Variants in TBC1D19 observed in about 807,000 individuals in gnomAD.
The protein encoded by TBC1D19 is TBC1 domain family, member 19.
A neutral mutation model predicts 89.0 loss-of-function variants in TBC1D19; 60 were observed. That is an observed-to-expected ratio of 0.67 (90% confidence interval 0.55 to 0.84). The LOEUF is 0.84. TBC1D19 is among the 40% of genes least tolerant of loss of function. The pLI is 0.00. For missense variants in TBC1D19, 500 were observed against 610.8 expected, an observed-to-expected ratio of 0.82 and a Z score of 1.91; for synonymous variants, 189 against 199.7, an observed-to-expected ratio of 0.95 and a Z score of 0.45.
intron 9 of TBC1D19, among the ~76,000 whole-genome samples, chr4:26,666,760 G>A (rs1711849388): frequency 6.6e-6 from 1 of 151,926 alleles, no homozygotes; most frequent in Non-Finnish European, 1.5e-5. Context: ...TCTACCTTGA[G>A]TCAACTTAGG....
intron 18 of TBC1D19, among the ~76,000 whole-genome samples, chr4:26,747,316 A>G (rs954266398): frequency 6.6e-6 from 1 of 152,180 alleles, no homozygotes; most frequent in African/African-American, 2.4e-5. Context: ...ATTCAAATGT[A>G]TTTTGTAAGT....
At chr4:26,798,383 T>C in the TBC1D19 span, among the ~76,000 whole-genome samples, 1 of 152,254 alleles carries the variant, frequency 6.6e-6, no homozygotes, top group African/African-American at 2.4e-5. Flanking sequence ...ATGGCTATTA[T>C]TAAAAAGTCA....
the TBC1D19 span, among the ~76,000 whole-genome samples, chr4:26,826,687 A>G: frequency 1.3e-5 from 2 of 152,330 alleles, no homozygotes; most frequent in Admixed American, 1.3e-4. Context: ...AGTCCAGTAA[A>G]GTTTGGCCTA....
At chr4:26,745,210 C>T (rs1460924869) in intron 18 of TBC1D19, among the ~76,000 whole-genome samples, 1 of 151,696 alleles carries the variant, frequency 6.6e-6, no homozygotes, top group Non-Finnish European at 1.5e-5. Flanking sequence ...TTATCAATAT[C>T]TTTTTTTAAG....
the TBC1D19 span, among the ~76,000 whole-genome samples, chr4:26,821,978 G>C: frequency 6.6e-6 from 1 of 152,208 alleles, no homozygotes; most frequent in African/African-American, 2.4e-5. Flanking sequence ...AGACAAGATG[G>C]GGAATTGTTC....
At chr4:26,658,480 G>C (rs879721806) in intron 7 of TBC1D19, among the ~76,000 whole-genome samples, 6 of 152,098 alleles carry the variant, frequency 3.9e-5, no homozygotes, top group Admixed American at 3.3e-4. Flanking sequence ...GTCTGTTTTG[G>C]TTACTATAGC....
upstream of TBC1D19, among the ~76,000 whole-genome samples, chr4:26,580,458 G>T (rs1223885130): frequency 2.6e-5 from 4 of 152,176 alleles, no homozygotes; most frequent in African/African-American, 9.7e-5. Flanking sequence ...AGGACTCCTG[G>T]AATGTGAAGA....
chr4:26,594,054 G>A (rs1296459847), intron 1 of TBC1D19, among the ~76,000 whole-genome samples: 7 of 152,056 alleles, frequency 4.6e-5, no homozygotes, highest in South Asian at 2.1e-4. Flanking sequence ...TGTTTATCGC[G>A]GCACTATTCA....
chr4:26,703,960 C>CAAAAAAAA (rs11453747), intron 13 of TBC1D19, among the ~76,000 whole-genome samples: 2 of 114,238 alleles, frequency 1.8e-5, no homozygotes, highest in African/African-American at 6.8e-5. Flanking sequence ...GACTCCGTCT[C>CAAAAAAAA]AAAAAAAAAA....
chr4:26,629,903 TATATTA>T (rs1467811793), intron 4 of TBC1D19, among the ~76,000 whole-genome samples: 1 of 151,650 alleles, frequency 6.6e-6, no homozygotes, highest in Non-Finnish European at 1.5e-5. Context: ...TGAAAGAAAA[TATATTA>T]ATATTGGTTG....
intron 4 of TBC1D19, among the ~76,000 whole-genome samples, chr4:26,624,156 CATTA>C (rs1377900751): frequency 3.9e-4 from 59 of 152,118 alleles, no homozygotes; most frequent in African/African-American, 1.4e-3. Flanking sequence ...CCTCTTGCAT[CATTA>C]ACACTTGTTT....
the TBC1D19 span, among the ~76,000 whole-genome samples, chr4:26,781,517 T>C: frequency 3.9e-5 from 6 of 152,294 alleles, no homozygotes; most frequent in African/African-American, 1.2e-4. Flanking sequence ...GACCTACTGT[T>C]CCTAGGGTAA....
In TBC1D19 at chr4:26,662,110, A is replaced by AT. The variant is rs1314094123; in HGVS notation, c.591+2412dup. 2.9e-3 allele frequency among the ~76,000 whole-genome samples: 438 copies of AT among 151,930 alleles called. 3 individuals are homozygous for AT. The highest frequency in any genetic ancestry group is 1.0e-2 in the African/African-American group (414 of 41,450). ...ATATAGTGGGGACATTTCTCTTAGA[A>AT]TTTTTTTTTGTGATTCAGTACACTT... On this transcript the variant is annotated intron_variant, in intron 8 of 20. Transcript: ENST00000264866.
intron 7 of TBC1D19, among the ~76,000 whole-genome samples, chr4:26,658,964 T>G (rs906232122): frequency 2.0e-4 from 31 of 152,228 alleles, no homozygotes; most frequent in African/African-American, 7.0e-4. Context: ...TAGTTGCTTA[T>G]CAGCCTAAGG....
At chr4:26,688,441 G>A (rs1714000392) in intron 13 of TBC1D19, 34 bp downstream of exon 13, 1 of 1,498,142 alleles carries the variant, frequency 6.7e-7, no homozygotes, top group Non-Finnish European at 8.9e-7. Context: ...TAGTGTTCTT[G>A]TTTTAGGTTC....
intron 1 of TBC1D19, among the ~76,000 whole-genome samples, chr4:26,588,227 GTGTTAGCCAGGA>G (rs1411306164): frequency 6.6e-6 from 1 of 151,776 alleles, no homozygotes; most frequent in Non-Finnish European, 1.5e-5. Flanking sequence ...GGATTTCACC[GTGTTAGCCAGGA>G]TGGTCTCGAT....
the TBC1D19 span, among the ~76,000 whole-genome samples, chr4:26,772,232 T>C: frequency 6.6e-6 from 1 of 151,752 alleles, no homozygotes; most frequent in Non-Finnish European, 1.5e-5. Context: ...TTTCAGATCC[T>C]ACTATAGGCA....
chr4:26,839,323 A>G, the TBC1D19 span, among the ~76,000 whole-genome samples: 1 of 152,194 alleles, frequency 6.6e-6, no homozygotes, highest in African/African-American at 2.4e-5. Flanking sequence ...TCTAACCACC[A>G]ATTCCAACAG....
At chr4:26,819,329 G>GC in the TBC1D19 span, among the ~76,000 whole-genome samples, 2 of 152,212 alleles carry the variant, frequency 1.3e-5, no homozygotes, top group Non-Finnish European at 1.5e-5. Flanking sequence ...CTGGGCATCT[G>GC]CCAGTGTTCC....
Sources: allele counts gnomAD v4.1 joint callset (sites outside exome capture counted in the v4.1 genomes callset), GRCh38; gene constraint gnomAD v4.1.1; transcripts MANE v1.5; gene names NCBI Gene and HGNC (gene_info 2026-07-23, HGNC 2026-07-21).